Variants in CAMK1D observed in about 807,000 individuals in gnomAD.
The protein encoded by CAMK1D is calcium/calmodulin-dependent protein kinase type 1D.
A neutral mutation model predicts 47.7 loss-of-function variants in CAMK1D; 9 were observed. The ratio of observed to expected loss-of-function variants is 0.19; its 90% CI spans 0.11 to 0.33. The LOEUF (loss-of-function observed/expected upper bound fraction) is 0.33. Ranked by LOEUF, CAMK1D falls within the 10% of genes least tolerant of loss-of-function variation. The probability of loss-of-function intolerance (pLI) is 1.00; values close to 1 mark genes in which losing one functional copy is unlikely to be tolerated. For synonymous variants in CAMK1D, 184 were observed against 184.9 expected (o/e 0.99, Z 0.04); for missense variants, 291 against 488.7 (o/e 0.60, Z 3.81).
At chr10:12,381,222 C>T (rs1017646158) in intron 1 of CAMK1D, among the ~76,000 whole-genome samples, 16 of 152,206 alleles carry the variant, frequency 1.1e-4, no homozygotes, top group African/African-American at 3.6e-4. Flanking sequence ...GAATGAATGC[C>T]GTTCCCTTCC....
chr10:12,792,920 G>A (rs781452996), intron 6 of CAMK1D, among the ~76,000 whole-genome samples: 1 of 151,002 alleles, frequency 6.6e-6, no homozygotes, highest in Non-Finnish European at 1.5e-5. Flanking sequence ...TCTAATGAAG[G>A]TCATGGATCC....
rs1490710444 is a variant in CAMK1D at position 12,831,390 on chromosome 10, A to T, written c.*2503A>T. The T allele has an allele frequency of 6.6e-6, 1 of 152,274 alleles. No homozygotes were observed. Among genetic ancestry groups the T allele is most frequent in the Non-Finnish European group, 1.5e-5 (1 of 68,060 alleles). 9.4% of individuals were successfully genotyped at this position (152,274 alleles called of 1,614,324 possible). A position where few individuals can be genotyped will look rare whatever the true frequency, so the allele number is the denominator to read the frequency against. ...CCCGAATCTGGTACCTAGGATGAGTACATGAATAGTGATGAATAGCCCTTT... is the reference window on the plus strand; with the variant it reads ...CCCGAATCTGGTACCTAGGATGAGTTCATGAATAGTGATGAATAGCCCTTT... On this transcript the variant is annotated 3_prime_UTR_variant, in exon 11 of 11. Coordinates refer to ENST00000619168, the MANE Select transcript of CAMK1D (RefSeq NM_153498.4).
At chr10:12,759,351 C>G (rs951142023) in intron 3 of CAMK1D, among the ~76,000 whole-genome samples, 2 of 152,154 alleles carry the variant, frequency 1.3e-5, no homozygotes, top group African/African-American at 4.8e-5. Context: ...GAGACCCTGT[C>G]TCAGAAAAAA....
At chr10:12,605,716 A>C (rs1838438965) in intron 2 of CAMK1D, among the ~76,000 whole-genome samples, 1 of 152,144 alleles carries the variant, frequency 6.6e-6, no homozygotes, top group African/African-American at 2.4e-5. Context: ...GCCCCAGAAA[A>C]CACTGCCGCA....
Position 12,547,436 on chromosome 10 carries a change from T to C in CAMK1D, c.93-5789T>C, listed in dbSNP as rs544531751. On this transcript the variant is annotated intron_variant, in intron 1 of 10. Transcript: ENST00000619168. ...GATTCAGTCTGGCTGGAGTGCTCCA[T>C]CGTTCAGCTTTAAATGCACAGTGCT... 4.6e-5 allele frequency among the ~76,000 whole-genome samples: 7 copies of C among 152,294 alleles called. No homozygotes were observed. The South Asian group carries it at 1.0e-3, about 23-fold the overall frequency.
intron 1 of CAMK1D, among the ~76,000 whole-genome samples, chr10:12,364,423 A>G (rs1337463098): frequency 1.3e-5 from 2 of 151,402 alleles, no homozygotes; most frequent in African/African-American, 2.4e-5. Context: ...TTGTATTTTT[A>G]GTAGAGATGG....
At chr10:12,749,443 TA>T (rs60406640) in intron 3 of CAMK1D, among the ~76,000 whole-genome samples, 23,415 of 118,978 alleles carry the variant, frequency 0.2, 2,228 homozygotes, top group East Asian at 0.29. Flanking sequence ...GCTAGAAAGT[TA>T]AAAAAAAAAA....
intron 1 of CAMK1D, among the ~76,000 whole-genome samples, chr10:12,547,639 A>ACCCCCCC (rs11393244): frequency 2.7e-5 from 3 of 109,232 alleles, no homozygotes; most frequent in African/African-American, 1.2e-4. Context: ...TCACGAGGAC[A>ACCCCCCC]CCCCCCCCCC....
intron 2 of CAMK1D, among the ~76,000 whole-genome samples, chr10:12,660,632 C>A (rs1840248563): frequency 6.6e-6 from 1 of 152,200 alleles, no homozygotes; most frequent in Non-Finnish European, 1.5e-5. Context: ...TTCCCTCTAC[C>A]ATTTCTGTGC....
chr10:12,732,654 T>C (rs1293023486), intron 3 of CAMK1D, among the ~76,000 whole-genome samples: 2 of 148,644 alleles, frequency 1.3e-5, no homozygotes, highest in East Asian at 2.1e-4. Context: ...TGGGCCCCCA[T>C]TATTCAATTA....
intron 6 of CAMK1D, among the ~76,000 whole-genome samples, chr10:12,802,770 G>A (rs368347731): frequency 6.9e-4 from 105 of 152,242 alleles, no homozygotes; most frequent in African/African-American, 2.3e-3. Context: ...TCCGTCCACC[G>A]TGGCCTCCCA....
chr10:12,387,346 ATTATATT>A (rs1404207391), intron 1 of CAMK1D, among the ~76,000 whole-genome samples: 1 of 135,038 alleles, frequency 7.4e-6, no homozygotes, highest in African/African-American at 2.8e-5. Flanking sequence ...AGATATATAT[ATTATATT>A]TTATATATAT....
At chr10:12,795,849 G>A (rs187852734) in intron 6 of CAMK1D, among the ~76,000 whole-genome samples, 150 of 152,238 alleles carry the variant, frequency 9.9e-4, no homozygotes, top group Non-Finnish European at 1.5e-3. Context: ...CTTGCTTTGG[G>A]GATTAGGACT....
At chr10:12,751,708 C>G (rs568362134) in intron 3 of CAMK1D, among the ~76,000 whole-genome samples, 1 of 152,310 alleles carries the variant, frequency 6.6e-6, no homozygotes, top group African/African-American at 2.4e-5. Context: ...GACATTCAAG[C>G]TAGGACCTAA....
chr10:12,382,938 A>T (rs1564304510), intron 1 of CAMK1D, among the ~76,000 whole-genome samples: 2 of 144,770 alleles, frequency 1.4e-5, no homozygotes, highest in Admixed American at 6.9e-5. Flanking sequence ...GCAAGTAGCA[A>T]TTTTTTTTTT....
intron 6 of CAMK1D, among the ~76,000 whole-genome samples, chr10:12,795,519 G>A (rs1838161377): frequency 6.6e-6 from 1 of 152,200 alleles, no homozygotes; most frequent in South Asian, 2.1e-4. Flanking sequence ...ATTCTTCCCA[G>A]CCACTGTAAT....
intron 5 of CAMK1D, among the ~76,000 whole-genome samples, chr10:12,788,236 G>A (rs1837820551): frequency 6.6e-6 from 1 of 151,990 alleles, no homozygotes; most frequent in Admixed American, 6.5e-5. Context: ...TGTTGCCCAG[G>A]ATGGAGTGCA....
At position 12,387,374 on chromosome 10, in the gene CAMK1D, T is replaced by TTA. The variant is rs1241636504; in HGVS notation, c.92+37470_92+37471dup. 6.0e-3 allele frequency among the ~76,000 whole-genome samples: 226 copies of TTA among 37,730 alleles called. 2 individuals are homozygous for TTA. The highest frequency in any genetic ancestry group is 0.018 in the Non-Finnish European group (185 of 10,532). 24.8% of individuals were successfully genotyped at this position (37,730 alleles called of 152,430 possible). On this transcript the variant is annotated intron_variant, in intron 1 of 10. Coordinates refer to ENST00000619168, the MANE Select transcript of CAMK1D (RefSeq NM_153498.4). ...ATATTTTATATATATAATATATATA[T>TTA]TATATATTATATATATTATATATTT...
At chr10:12,533,431 T>A (rs1462014150) in intron 1 of CAMK1D, among the ~76,000 whole-genome samples, 2 of 152,224 alleles carry the variant, frequency 1.3e-5, no homozygotes, top group Non-Finnish European at 2.9e-5. Context: ...CTTTGCAGAC[T>A]GACCCAATCA....
Sources: allele counts gnomAD v4.1 joint callset (sites outside exome capture counted in the v4.1 genomes callset), GRCh38; gene constraint gnomAD v4.1.1; transcripts MANE v1.5; gene names NCBI Gene and HGNC (gene_info 2026-07-23, HGNC 2026-07-21).